Variants in SMARCA1 observed in about 807,000 individuals in gnomAD.
The protein encoded by SMARCA1 is SNF2 related chromatin remodeling ATPase 1.
Under a neutral mutation model 93.6 loss-of-function variants are expected in SMARCA1, and 17 were observed. The observed-to-expected ratio is 0.18, with a 90% CI of 0.12 to 0.27. The LOEUF (loss-of-function observed/expected upper bound fraction) is 0.27. Ranked by LOEUF, SMARCA1 falls within the 10% of genes least tolerant of loss-of-function variation. The pLI is 1.00. For synonymous variants in SMARCA1, 271 were observed against 271.4 expected, an observed-to-expected ratio of 1.00 and a Z score of 0.01; for missense variants, 630 against 819.0, an observed-to-expected ratio of 0.77 and a Z score of 2.82.
chrX:129,485,400 T>C (rs1933850504), intron 17 of SMARCA1, among the ~76,000 whole-genome samples: 1 of 112,507 alleles, frequency 8.9e-6, no homozygotes, highest in Non-Finnish European at 1.9e-5. Context: ...ATAACCATTG[T>C]ATCTTAGAAA....
intron 17 of SMARCA1, among the ~76,000 whole-genome samples, chrX:129,481,664 T>C (rs759351318): frequency 1.8e-5 from 2 of 111,400 alleles, no homozygotes; most frequent in South Asian, 7.7e-4. Context: ...ATGGCAATCA[T>C]TGAAAAGTCA....
At chrX:129,514,474 T>C (rs1312543949) in intron 5 of SMARCA1, among the ~76,000 whole-genome samples, 2 of 112,673 alleles carry the variant, frequency 1.8e-5, no homozygotes, top group East Asian at 5.5e-4. Context: ...AGATTCAACA[T>C]TACTCTTTAT....
intron 9 of SMARCA1, among the ~76,000 whole-genome samples, chrX:129,501,797 T>A (rs887593885): frequency 9.1e-6 from 1 of 110,170 alleles, no homozygotes; most frequent in Non-Finnish European, 1.9e-5. Flanking sequence ...GTATTTTTAG[T>A]AGAGATGTGG....
Position 129,471,340 on chromosome X carries a change from G to A in SMARCA1, c.2443-14C>T. On this transcript the variant is annotated splice_polypyrimidine_tract_variant and intron_variant, in intron 19 of 24. Coordinates refer to ENST00000371121, the MANE Select transcript of SMARCA1 (RefSeq NM_001282874.2). ...ATTCCTTGGAACCTATAAATCAAGA[G>A]ATAAACTAAGAGTAAACTGATGAGA... 7 of 1,153,475 alleles carry A rather than the reference G, an allele frequency of 6.1e-6. No individual in the cohort carries two copies. Among genetic ancestry groups the A allele is most frequent in the Non-Finnish European group, 8.2e-6 (7 of 852,339 alleles).
At position 129,518,810 on chromosome X, in the gene SMARCA1, C is replaced by G. The variant is rs747639866; in HGVS notation, c.175-363G>C. The stretch of plus-strand genomic sequence containing the variant: ...AAATCTAGAAAAGGCTAATATCAAC[C>G]ACAAACCAAATAATTCAAAGAAAGT... On this transcript the variant is annotated intron_variant, in intron 1 of 24. Transcript: ENST00000371121. Among the ~76,000 whole-genome samples the G allele has an allele frequency of 1.4e-4, 16 of 111,160 alleles. No homozygotes were observed. The East Asian group carries it at 4.2e-3, about 29-fold the overall frequency.
intron 1 of SMARCA1, among the ~76,000 whole-genome samples, chrX:129,518,926 AT>A (rs1414716098): frequency 8.1e-5 from 9 of 111,714 alleles, no homozygotes; most frequent in Non-Finnish European, 1.9e-5. Context: ...CTAAAACGAT[AT>A]TTTTAAAATT....
rs1933568792 is a variant in SMARCA1, at chrX:129,479,839, AGGCGCTT to A, written c.2442+855_2442+861del. 4.5e-5 allele frequency among the ~76,000 whole-genome samples: 5 copies of A among 110,449 alleles called. No individual in the cohort carries two copies. The South Asian group carries it at 1.9e-3, about 42-fold the overall frequency. On this transcript the variant is annotated intron_variant, in intron 19 of 24. Transcript: ENST00000371121. Reference sequence around the variant, plus strand: ...CAGCCTCCCGAGTAGCTGGGATTATAGGCGCTTGCCACCGCACCCAGCTAATTTTTGC... The same window carrying A: ...CAGCCTCCCGAGTAGCTGGGATTATAGCCACCGCACCCAGCTAATTTTTGC...
chrX:129,494,650 C>G (rs1326179907), intron 12 of SMARCA1, among the ~76,000 whole-genome samples: 1 of 111,116 alleles, frequency 9.0e-6, no homozygotes, highest in African/African-American at 3.3e-5. Flanking sequence ...GGAGAAAGGC[C>G]TGGGTGCAAT....
chrX:129,470,216 C>T (rs986084628), intron 20 of SMARCA1, among the ~76,000 whole-genome samples: 11 of 111,359 alleles, frequency 9.9e-5, no homozygotes, highest in African/African-American at 2.3e-4. Context: ...TAATGTCCTA[C>T]GGTACACATT....
intron 14 of SMARCA1, 108 bp downstream of exon 14, chrX:129,491,833 A>T: frequency 2.0e-6 from 1 of 510,440 alleles, no homozygotes; most frequent in Non-Finnish European, 3.1e-6. Context: ...ACTTCTATAA[A>T]ATCTCTCAAA....
chrX:129,446,664 T>G lies in SMARCA1; in HGVS notation c.*498A>C, dbSNP rs778078632. The G allele has an allele frequency of 8.9e-6, 1 of 111,959 alleles. No individual in the cohort carries two copies. The highest frequency in any genetic ancestry group is 3.7e-4 in the South Asian group (1 of 2,674). The allele number at this position is 111,959 out of a possible 1,213,427, so 9.2% of individuals were successfully genotyped here. A position where few individuals can be genotyped will look rare whatever the true frequency, so the allele number is the denominator to read the frequency against. On this transcript the variant is annotated 3_prime_UTR_variant, in exon 25 of 25. Coordinates refer to ENST00000371121, the MANE Select transcript of SMARCA1 (RefSeq NM_001282874.2). ...TTAGGAAAAAAATATTTAGATGACCTCAAAGAAACAATTATTATGCTAATC... is the reference window on the plus strand; with the variant it reads ...TTAGGAAAAAAATATTTAGATGACCGCAAAGAAACAATTATTATGCTAATC...
chrX:129,513,817 C>T (rs1935097410), intron 5 of SMARCA1, among the ~76,000 whole-genome samples: 1 of 110,727 alleles, frequency 9.0e-6, no homozygotes, highest in Admixed American at 9.7e-5. Context: ...TCCTCTGCCA[C>T]ACACCTAACA....
chrX:129,492,946 ACT>A (rs1934187677), intron 13 of SMARCA1, 92 bp downstream of exon 13: 1 of 340,420 alleles, frequency 2.9e-6, no homozygotes, highest in African/African-American at 2.6e-5. Flanking sequence ...TGAGACGGGC[ACT>A]CTCATACATT....
Position 129,447,163 on chromosome X carries a change from T to C in SMARCA1, c.3212A>G (p.Ter1071=). 2 of 1,145,955 alleles carry C rather than the reference T, an allele frequency of 1.7e-6. No individual in the cohort carries two copies. The highest frequency in any genetic ancestry group is 1.2e-6 in the Non-Finnish European group (1 of 866,815). 94.4% of individuals were successfully genotyped at this position (1,145,955 alleles called of 1,213,427 possible). Residue 1071 remains the stop codon, a stop_retained_variant, in exon 25 of 25, where the codon TAA becomes TGA. Coordinates refer to ENST00000371121, the MANE Select transcript of SMARCA1 (RefSeq NM_001282874.2). The part of the protein sequence containing the change: ...GKKDVKKVKS[*] Reference sequence around the variant, plus strand: ...CATTTAAAACTTTATTTCTAGGCTTTAGGATTTCACCTTCTTGACATCCTT... The same window carrying C: ...CATTTAAAACTTTATTTCTAGGCTTCAGGATTTCACCTTCTTGACATCCTT...
intron 15 of SMARCA1, among the ~76,000 whole-genome samples, chrX:129,489,461 A>T (rs1315293386): frequency 8.9e-6 from 1 of 112,851 alleles, no homozygotes; most frequent in Non-Finnish European, 1.9e-5. Context: ...TGCTACTGAC[A>T]TTCAAGAATA....
In SMARCA1 at chrX:129,499,714, G is replaced by A. The variant is rs771515253; in HGVS notation, c.1277+18C>T. The A allele has an allele frequency of 5.5e-6, 5 of 908,740 alleles. No individual in the cohort carries two copies. Among genetic ancestry groups the A allele is most frequent in the Admixed American group, 4.7e-5 (2 of 42,539 alleles). The allele number at this position is 908,740 out of a possible 1,213,427, so 74.9% of individuals were successfully genotyped here. On this transcript the variant is annotated intron_variant, in intron 10 of 24. Transcript: ENST00000371121. Reference sequence around the variant, plus strand: ...TTCTTACACACAAATAAGTTTTAAAGGAAATGAAATAGCTCACCATTCTCG... The same window carrying A: ...TTCTTACACACAAATAAGTTTTAAAAGAAATGAAATAGCTCACCATTCTCG...
Position 129,465,708 on chromosome X carries a change from G to A in SMARCA1, c.2842C>T (p.His948Tyr). 8.5e-7 allele frequency: 1 copy of A among 1,180,267 alleles called. No individual in the cohort carries two copies. The highest frequency in any genetic ancestry group is 1.1e-6 in the Non-Finnish European group (1 of 879,829). Reference protein sequence around the residue: ...AKIARYKAPFHQLRIQYGTSK... With the variant: ...AKIARYKAPFYQLRIQYGTSK... ...GTTCCATACTGAATGCGCAACTGAT[G>A]AAATGGAGCCTTGTATCTTGCAATC... Residue 948 changes from histidine (H) to tyrosine (Y), a missense_variant, in exon 23 of 25, where the codon CAT becomes TAT. By Grantham distance (83) the His-to-Tyr change is moderately conservative (BLOSUM62 2). Coordinates refer to ENST00000371121, the MANE Select transcript of SMARCA1 (RefSeq NM_001282874.2).
intron 5 of SMARCA1, among the ~76,000 whole-genome samples, 169 bp from the exon 6 acceptor site, chrX:129,512,152 A>G (rs1935040695): frequency 8.9e-6 from 1 of 112,346 alleles, no homozygotes; most frequent in Non-Finnish European, 1.9e-5. Context: ...GAAGATAACC[A>G]AATCATTCCA....
chrX:129,496,148 A>G lies in SMARCA1; in HGVS notation c.1626+602T>C, dbSNP rs1346495070. On this transcript the variant is annotated intron_variant, in intron 12 of 24. Coordinates refer to ENST00000371121, the MANE Select transcript of SMARCA1 (RefSeq NM_001282874.2). Reference sequence around the variant, plus strand: ...TCTGTAAGAATTTCCATGTTTGAGAAAAATACTGCATACTAGATAAGCTTA... The same window carrying G: ...TCTGTAAGAATTTCCATGTTTGAGAGAAATACTGCATACTAGATAAGCTTA... Among the ~76,000 whole-genome samples the G allele has an allele frequency of 3.1e-5, 3 of 97,994 alleles. No individual in the cohort carries two copies. The East Asian group carries it at 9.6e-4, about 31-fold the overall frequency. 85.1% of individuals were successfully genotyped at this position (97,994 alleles called of 115,157 possible). A position where few individuals can be genotyped will look rare whatever the true frequency, so the allele number is the denominator to read the frequency against.
Sources: allele counts gnomAD v4.1 joint callset (sites outside exome capture counted in the v4.1 genomes callset), GRCh38; gene constraint gnomAD v4.1.1; transcripts MANE v1.5; gene names NCBI Gene and HGNC (gene_info 2026-07-23, HGNC 2026-07-21).